MAP7D1: variants seen among roughly 807,000 people sequenced by gnomAD.
MAP7D1 encodes the protein MAP7 domain containing 1, also known as MAP7 domain-containing protein 1.
Under a neutral mutation model 97.5 loss-of-function variants are expected in MAP7D1, and 30 were observed. The ratio of observed to expected loss-of-function variants is 0.31; its 90% CI spans 0.23 to 0.42. MAP7D1 has a LOEUF of 0.42. MAP7D1 is among the 10% of genes least tolerant of loss of function. MAP7D1 has a pLI of 1.00. For missense variants in MAP7D1, 1,184 were observed against 1,179.5 expected, an observed-to-expected ratio of 1.00 and a Z score of -0.06; for synonymous variants, 536 against 477.1, an observed-to-expected ratio of 1.12 and a Z score of -1.61.
At chr1:36,169,961 T>C (rs1260198410) in intron 1 of MAP7D1, among the ~76,000 whole-genome samples, 1 of 152,076 alleles carries the variant, frequency 6.6e-6, no homozygotes, top group Non-Finnish European at 1.5e-5. Context: ...AGACCCTATC[T>C]CTTAAAAAAT....
rs187479545 is a variant in MAP7D1 at position 36,165,971 on chromosome 1, C to G, written c.47-5000C>G. Among the ~76,000 whole-genome samples, 1,406 of 152,242 alleles carry G rather than the reference C, an allele frequency of 9.2e-3. 16 individuals are homozygous for G. Among genetic ancestry groups the G allele is most frequent in the Non-Finnish European group, 0.015 (1,047 of 68,008 alleles). ...TCTCGAACTCCTGACCTCAGGTGAT[C>G]CACCTGCCTTGGCCTCCCAAGGTGC... On this transcript the variant is annotated intron_variant, in intron 1 of 16. Coordinates refer to ENST00000474796, the MANE Select transcript of MAP7D1 (RefSeq NM_001388490.1).
chr1:36,180,268 C>G lies in MAP7D1; in HGVS notation c.*10C>G. On this transcript the variant is annotated 3_prime_UTR_variant, in exon 17 of 17. Coordinates refer to ENST00000474796, the MANE Select transcript of MAP7D1 (RefSeq NM_001388490.1). ...CCCAGAAGTCCTTTAAGAGGGTTTG[C>G]CTTGGATCCGGGCACAGTTGTGAGG... 1 of 1,614,190 alleles carries G rather than the reference C, an allele frequency of 6.2e-7. No individual in the cohort carries two copies. Among genetic ancestry groups the G allele is most frequent in the Non-Finnish European group, 8.5e-7 (1 of 1,180,032 alleles).
intron 1 of MAP7D1, among the ~76,000 whole-genome samples, chr1:36,157,886 A>G (rs1341556999): frequency 6.6e-6 from 1 of 152,042 alleles, no homozygotes; most frequent in East Asian, 1.9e-4. Context: ...TGGGCTGGAA[A>G]CAAGGGTGGC....
At chr1:36,158,572 T>TA (rs1164127540) in intron 1 of MAP7D1, among the ~76,000 whole-genome samples, 1 of 152,186 alleles carries the variant, frequency 6.6e-6, no homozygotes, top group Non-Finnish European at 1.5e-5. Flanking sequence ...GCAAGTGACT[T>TA]ACCTCCTGGA....
Position 36,172,532 on chromosome 1 carries a change from G to T in MAP7D1, c.529G>T (p.Glu177Ter). ...GGCGCTGCGGGAGAAGCAGCTCCAG[G>T]AGCGCCGGCGCCGGCTGGAGGAGCA... ...AKALREKQLQ[E>*]RRRRLEEQRL... is the part of the protein sequence containing the mutation. Residue 177 changes from glutamate (E) to a stop codon, truncating the protein, a stop_gained, in exon 4 of 17, where the codon GAG (glutamate) becomes TAG (stop). Transcript: ENST00000474796. LOFTEE classifies it high-confidence loss of function. 6.2e-7 allele frequency: 1 copy of T among 1,602,596 alleles called. No individual in the cohort carries two copies. Among genetic ancestry groups the T allele is most frequent in the South Asian group, 1.1e-5 (1 of 90,580 alleles).
chr1:36,180,142 C>T, intron 16 of MAP7D1, 75 bp downstream of exon 16: 5 of 1,610,402 alleles, frequency 3.1e-6, no homozygotes, highest in Non-Finnish European at 2.5e-6. Flanking sequence ...CCTGCCTTCT[C>T]TTCTGGCTCT....
chr1:36,166,807 G>C (rs1198591938), intron 1 of MAP7D1, among the ~76,000 whole-genome samples: 1 of 152,220 alleles, frequency 6.6e-6, no homozygotes, highest in Non-Finnish European at 1.5e-5. Flanking sequence ...TGATCCAAGT[G>C]ATAGAAGTGG....
chr1:36,170,637 C>T lies in MAP7D1; in HGVS notation c.47-334C>T, dbSNP rs114801980. 3.0e-3 allele frequency among the ~76,000 whole-genome samples: 459 copies of T among 152,346 alleles called. 2 individuals are homozygous for T. The highest frequency in any genetic ancestry group is 0.01 in the African/African-American group (433 of 41,590). Reference sequence around the variant, plus strand: ...GCTTTGCTGACTCCAGCTTATCCTTCGGATCTCAGCTTGGTTGTTACTTCT... The same window carrying T: ...GCTTTGCTGACTCCAGCTTATCCTTTGGATCTCAGCTTGGTTGTTACTTCT... On this transcript the variant is annotated intron_variant, in intron 1 of 16. Coordinates refer to ENST00000474796, the MANE Select transcript of MAP7D1 (RefSeq NM_001388490.1).
Position 36,158,737 on chromosome 1 carries a change from A to T in MAP7D1, c.46+2274A>T, listed in dbSNP as rs571620432. ...ACCATTATTGTGGTTATGCTTCTGC[A>T]ACCGGTGCCAGCAGGGAGGTATGAA... On this transcript the variant is annotated intron_variant, in intron 1 of 16. Transcript: ENST00000474796. 2.1e-3 allele frequency among the ~76,000 whole-genome samples: 323 copies of T among 152,300 alleles called. 3 individuals are homozygous for T. The highest frequency in any genetic ancestry group is 2.6e-3 in the Non-Finnish European group (175 of 68,028).
At chr1:36,157,366 ACT>A (rs1456498280) in intron 1 of MAP7D1, 2 of 150,994 alleles carry the variant, frequency 1.3e-5, no homozygotes, top group African/African-American at 4.9e-5. Flanking sequence ...CTCCCCCCTT[ACT>A]CTCTTTTTTT....
Position 36,176,979 on chromosome 1 carries a change from C to G in MAP7D1, c.1379+137C>G. 1.3e-6 allele frequency: 1 copy of G among 787,820 alleles called. No homozygotes were observed. The highest frequency in any genetic ancestry group is 1.7e-5 in the South Asian group (1 of 57,164). 48.8% of individuals were successfully genotyped at this position (787,820 alleles called of 1,614,324 possible). A position where few individuals can be genotyped will look rare whatever the true frequency, so the allele number is the denominator to read the frequency against. On this transcript the variant is annotated intron_variant, in intron 8 of 16. Coordinates refer to ENST00000474796, the MANE Select transcript of MAP7D1 (RefSeq NM_001388490.1). The surrounding 1 kb of genome is among the most constrained non-coding windows in gnomAD (Gnocchi z 6.1). ...CTCTCTGTTTTGTTTGAGACAGGAT[C>G]TCCCTCTGTCACCCAGGCTGGAGTG...
Position 36,176,500 on chromosome 1 carries a change from C to G in MAP7D1, c.1152C>G (p.Pro384=), listed in dbSNP as rs1386668430. ...CCCGAAGCGTGCACCGCTGCGCCCC[C>G]GCCGGTGAGCGCGGGGAGCGCCGCA... ...SVTRSVHRCA[P]AGERGERRKP... is the part of the protein sequence containing the mutation. Residue 384 remains proline (P), a synonymous_variant, in exon 7 of 17, where the codon CCC becomes CCG. Transcript: ENST00000474796. The surrounding 1 kb of genome is among the most constrained non-coding windows in gnomAD (Gnocchi z 6.1). 1 of 1,374,782 alleles carries G rather than the reference C, an allele frequency of 7.3e-7. No homozygotes were observed. The highest frequency in any genetic ancestry group is 9.4e-7 in the Non-Finnish European group (1 of 1,065,388). The allele number at this position is 1,374,782 out of a possible 1,614,324, so 85.2% of individuals were successfully genotyped here. A position where few individuals can be genotyped will look rare whatever the true frequency, so the allele number is the denominator to read the frequency against.
At position 36,176,933 on chromosome 1, in the gene MAP7D1, C is replaced by A. The variant is rs2124245822; in HGVS notation, c.1379+91C>A. 1 of 1,122,534 alleles carries A rather than the reference C, an allele frequency of 8.9e-7. No homozygotes were observed. The highest frequency in any genetic ancestry group is 1.3e-6 in the Non-Finnish European group (1 of 779,400). 69.5% of individuals were successfully genotyped at this position (1,122,534 alleles called of 1,614,324 possible). A position where few individuals can be genotyped will look rare whatever the true frequency, so the allele number is the denominator to read the frequency against. On this transcript the variant is annotated intron_variant, in intron 8 of 16. Coordinates refer to ENST00000474796, the MANE Select transcript of MAP7D1 (RefSeq NM_001388490.1). This position sits in a 1 kb window ranked among gnomAD's most constrained non-coding sequence, Gnocchi z 6.1. ...TTGTTGGGCAACCACCTCTAGAATG[C>A]AACTTCCCTGAGGGCAGATTCTCTC...
In MAP7D1 at chr1:36,178,179, G is replaced by GC; in HGVS notation, c.1692dup (p.Ala565ArgfsTer23). 1 of 1,564,562 alleles carries GC rather than the reference G, an allele frequency of 6.4e-7. No homozygotes were observed. Among genetic ancestry groups the GC allele is most frequent in the Non-Finnish European group, 8.7e-7 (1 of 1,155,468 alleles). On this transcript the variant is annotated frameshift_variant, in exon 9 of 17. Transcript: ENST00000474796. LOFTEE classifies it high-confidence loss of function. ...CCCCAGCCCCGCCCCAGAAGGAGCA[G>GC]CCCCCCGCGGAGACCCCTACAGGTA...
At chr1:36,173,554 A>T in intron 5 of MAP7D1, 76 bp downstream of exon 5, 1 of 1,140,136 alleles carries the variant, frequency 8.8e-7, no homozygotes, top group Non-Finnish European at 1.3e-6. Flanking sequence ...CAACTTCCCT[A>T]CAAAAAGCTG....
rs1644703391 is a variant in MAP7D1 at position 36,180,583 on chromosome 1, G to A, written c.*325G>A. 2.4e-6 allele frequency: 1 copy of A among 423,156 alleles called. No homozygotes were observed. Among genetic ancestry groups the A allele is most frequent in the Non-Finnish European group, 4.4e-6 (1 of 228,472 alleles). 26.2% of individuals were successfully genotyped at this position (423,156 alleles called of 1,614,324 possible). A position where few individuals can be genotyped will look rare whatever the true frequency, so the allele number is the denominator to read the frequency against. The stretch of plus-strand genomic sequence containing the variant: ...CTTGATTTGGTGGGGTACAGTGGAT[G>A]TGAATACTGTAAATAGCTTGTGCTC... On this transcript the variant is annotated 3_prime_UTR_variant, in exon 17 of 17. Coordinates refer to ENST00000474796, the MANE Select transcript of MAP7D1 (RefSeq NM_001388490.1).
At position 36,159,811 on chromosome 1, in the gene MAP7D1, G is replaced by A. The variant is rs1436205934; in HGVS notation, c.46+3348G>A. ...GGTGGATCTGAAAGGATGAGTAGACGTTGGTGAGACTGGCGCAGTGGGCTG... is the reference window on the plus strand; with the variant it reads ...GGTGGATCTGAAAGGATGAGTAGACATTGGTGAGACTGGCGCAGTGGGCTG... On this transcript the variant is annotated intron_variant, in intron 1 of 16. Transcript: ENST00000474796. The surrounding 1 kb of genome is among the most constrained non-coding windows in gnomAD (Gnocchi z 5.4). Among the ~76,000 whole-genome samples the A allele has an allele frequency of 2.6e-5, 4 of 152,176 alleles. No individual in the cohort carries two copies. Among genetic ancestry groups the A allele is most frequent in the Non-Finnish European group, 4.4e-5 (3 of 68,026 alleles).
rs1258601340 is a variant in MAP7D1, at chr1:36,171,326, T to C, written c.391+11T>C. On this transcript the variant is annotated intron_variant, in intron 2 of 16. Coordinates refer to ENST00000474796, the MANE Select transcript of MAP7D1 (RefSeq NM_001388490.1). ...CTCCCACCAAGCAAGGTGTGTGTAA[T>C]GACCCCGGCCTGGGCCTAAACCTCT... 1 of 1,555,340 alleles carries C rather than the reference T, an allele frequency of 6.4e-7. No individual in the cohort carries two copies.
rs964149496 is a variant in MAP7D1, at chr1:36,178,711, G to C, written c.1913G>C (p.Arg638Pro). The C allele has an allele frequency of 7.8e-6, 12 of 1,535,192 alleles. No individual in the cohort carries two copies. Among genetic ancestry groups the C allele is most frequent in the Non-Finnish European group, 9.6e-6 (11 of 1,141,528 alleles). The change falls in exon 11 of 17, where the codon CGG becomes CCG. Residue 638 changes from arginine (R) to proline (P), a missense_variant. Arg to Pro is a moderately radical substitution (Grantham distance 103). Coordinates refer to ENST00000474796, the MANE Select transcript of MAP7D1 (RefSeq NM_001388490.1). ...DKRMREEQLA[R>P]EAEARAEREA... ...CGAATGCGAGAGGAGCAGCTGGCACGGGAGGCCGAGGCCCGGGCGGAGCGG... is the reference window on the plus strand; with the variant it reads ...CGAATGCGAGAGGAGCAGCTGGCACCGGAGGCCGAGGCCCGGGCGGAGCGG...
Sources: gnomAD v4.1 joint callset for allele counts (sites outside exome capture counted in the v4.1 genomes callset) on GRCh38, gnomAD v4.1.1 for gene constraint, Gnocchi (gnomAD v3.1) non-coding constraint, MANE v1.5 for transcripts, NCBI Gene and HGNC (gene_info 2026-07-23, HGNC 2026-07-21) for gene names.